VEPH1: variants seen among roughly 807,000 people sequenced by gnomAD.
The protein encoded by VEPH1 is ventricular zone expressed PH domain containing 1, also known as ventricular zone-expressed PH domain-containing protein homolog 1.
Under a neutral mutation model 85.2 loss-of-function variants are expected in VEPH1, and 80 were observed. That is an observed-to-expected ratio of 0.94 (90% CI 0.78 to 1.13). VEPH1 has a LOEUF of 1.13. VEPH1 is among the 50% of genes most tolerant of loss of function. The probability of loss-of-function intolerance (pLI) is 0.00; values close to 1 mark genes in which losing one functional copy is unlikely to be tolerated. For synonymous variants in VEPH1, 297 were observed against 348.0 expected (o/e 0.85, Z 1.63); for missense variants, 955 against 980.5 (o/e 0.97, Z 0.35).
intron 6 of VEPH1, among the ~76,000 whole-genome samples, chr3:157,409,433 A>T (rs1731371675): frequency 6.6e-6 from 1 of 152,154 alleles, no homozygotes; most frequent in Non-Finnish European, 1.5e-5. Context: ...CCCAGAAGCA[A>T]ATTTCTCTAC....
chr3:157,439,315 C>G, intron 4 of VEPH1, among the ~76,000 whole-genome samples: 1 of 152,192 alleles, frequency 6.6e-6, no homozygotes, highest in East Asian at 1.9e-4. Flanking sequence ...TTTCTGAATT[C>G]TAAGATGTTA....
intron 6 of VEPH1, among the ~76,000 whole-genome samples, chr3:157,398,406 C>T (rs1296545268): frequency 3.9e-5 from 6 of 152,106 alleles, no homozygotes; most frequent in Admixed American, 6.5e-5. Context: ...GAGGCCGAGG[C>T]GTGTGGATCA....
intron 2 of VEPH1, among the ~76,000 whole-genome samples, chr3:157,490,191 A>T (rs896725650): frequency 6.6e-6 from 1 of 151,996 alleles, no homozygotes; most frequent in African/African-American, 2.4e-5. Flanking sequence ...AATTATTCAG[A>T]AAACAGGAGA....
At chr3:157,480,492 CA>C (rs995151649) in intron 2 of VEPH1, among the ~76,000 whole-genome samples, 36 of 152,004 alleles carry the variant, frequency 2.4e-4, no homozygotes, top group Non-Finnish European at 1.5e-5. Flanking sequence ...CTATTGTTCC[CA>C]TCCTTACGTC....
chr3:157,277,687 C>T (rs61200996), intron 12 of VEPH1, among the ~76,000 whole-genome samples: 1 of 152,254 alleles, frequency 6.6e-6, no homozygotes, highest in African/African-American at 2.4e-5. Flanking sequence ...ATGAAACACA[C>T]ACATGTATAT....
intron 4 of VEPH1, among the ~76,000 whole-genome samples, chr3:157,448,086 A>G (rs1734684564): frequency 6.6e-6 from 1 of 151,760 alleles, no homozygotes; most frequent in African/African-American, 2.4e-5. Context: ...CCTATATCAC[A>G]TATATTATAA....
At chr3:157,294,309 A>C (rs571079060) in intron 11 of VEPH1, among the ~76,000 whole-genome samples, 1 of 152,214 alleles carries the variant, frequency 6.6e-6, no homozygotes, top group East Asian at 1.9e-4. Context: ...TCCCCTTTTT[A>C]TAAGTATTCA....
intron 1 of VEPH1, among the ~76,000 whole-genome samples, chr3:157,500,003 G>A (rs550690305): frequency 6.6e-6 from 1 of 152,322 alleles, no homozygotes; most frequent in East Asian, 1.9e-4. Context: ...ATTGTTGAAA[G>A]TTGAAGTATG....
chr3:157,472,563 T>C (rs537974360), intron 2 of VEPH1, among the ~76,000 whole-genome samples: 2 of 152,162 alleles, frequency 1.3e-5, no homozygotes, highest in Non-Finnish European at 2.9e-5. Context: ...TGCAAGTTTG[T>C]TATTTAGGTA....
chr3:157,360,619 G>A (rs1219263905), intron 9 of VEPH1, among the ~76,000 whole-genome samples: 3 of 151,934 alleles, frequency 2.0e-5, no homozygotes, highest in Non-Finnish European at 2.9e-5. Context: ...TTAACCTACC[G>A]AACATCATAG....
intron 4 of VEPH1, among the ~76,000 whole-genome samples, chr3:157,436,010 CT>C (rs1733545646): frequency 6.6e-6 from 1 of 152,136 alleles, no homozygotes; most frequent in East Asian, 1.9e-4. Context: ...GGTGAGGTGG[CT>C]CACGTCTGTA....
At chr3:157,389,068 C>T (rs1729585823) in intron 6 of VEPH1, among the ~76,000 whole-genome samples, 1 of 152,174 alleles carries the variant, frequency 6.6e-6, no homozygotes, top group South Asian at 2.1e-4. Flanking sequence ...GGTTAGTTTC[C>T]TGCAAGCCTC....
At chr3:157,497,503 C>T (rs1386109202) in intron 1 of VEPH1, among the ~76,000 whole-genome samples, 2 of 152,146 alleles carry the variant, frequency 1.3e-5, no homozygotes, top group South Asian at 2.1e-4. Flanking sequence ...AACACATTTT[C>T]CTCCCAGGCT....
chr3:157,356,209 T>C (rs1438844969), intron 9 of VEPH1, among the ~76,000 whole-genome samples: 1 of 151,956 alleles, frequency 6.6e-6, no homozygotes, highest in African/African-American at 2.4e-5. Flanking sequence ...CTGAATCTTT[T>C]TATAAGAAAA....
intron 3 of VEPH1, among the ~76,000 whole-genome samples, chr3:157,463,024 T>C (rs971979151): frequency 3.3e-5 from 5 of 152,198 alleles, no homozygotes; most frequent in Admixed American, 2.6e-4. Flanking sequence ...GGAGAGAAAC[T>C]GTATGAGACT....
At chr3:157,307,168 C>T (rs990399639) in intron 11 of VEPH1, among the ~76,000 whole-genome samples, 3 of 151,852 alleles carry the variant, frequency 2.0e-5, no homozygotes, top group African/African-American at 7.2e-5. Flanking sequence ...TAACAGTAAT[C>T]TAGCTGTCAT....
chr3:157,265,902 C>T (rs567846694), intron 12 of VEPH1, among the ~76,000 whole-genome samples: 20 of 151,946 alleles, frequency 1.3e-4, no homozygotes, highest in African/African-American at 4.6e-4. Flanking sequence ...TTGGTTCACA[C>T]AAAGAGCATC....
intron 2 of VEPH1, chr3:157,489,248 C>A: frequency 4.4e-6 from 2 of 454,546 alleles, no homozygotes; most frequent in Non-Finnish European, 8.9e-6. Context: ...AACAATCCAG[C>A]CTCCACTTCT....
intron 7 of VEPH1, among the ~76,000 whole-genome samples, chr3:157,379,869 G>A (rs768902214): frequency 3.2e-4 from 49 of 152,130 alleles, no homozygotes; most frequent in Non-Finnish European, 6.0e-4. Context: ...CAGTATCTGA[G>A]CCTCTGTTTC....
Sources: allele counts gnomAD v4.1 joint callset (sites outside exome capture counted in the v4.1 genomes callset), GRCh38; gene constraint gnomAD v4.1.1; transcripts MANE v1.5; gene names NCBI Gene and HGNC (gene_info 2026-07-23, HGNC 2026-07-21).